The following GLRA2 variants were observed in gnomAD, a reference collection of about 807,000 sequenced individuals.
GLRA2 encodes glycine receptor subunit alpha-2.
GLRA2 carries 11 observed loss-of-function variants against 31.6 expected under a neutral mutation model. The ratio of observed to expected loss-of-function variants is 0.35; its 90% CI spans 0.22 to 0.58. GLRA2 has a LOEUF of 0.58. Among genes scored for constraint, GLRA2 ranks in the 20% least tolerant of loss-of-function variants. The pLI, the probability that GLRA2 is intolerant of heterozygous loss-of-function variation, is 0.84. For missense variants in GLRA2, 212 were observed against 351.8 expected (o/e 0.60, Z 3.18); for synonymous variants, 132 against 134.0 (o/e 0.99, Z 0.10).
the GLRA2 span, among the ~76,000 whole-genome samples, chrX:14,518,475 C>T: frequency 9.0e-6 from 1 of 111,248 alleles, no homozygotes; most frequent in African/African-American, 3.3e-5. Flanking sequence ...GATCCAAAGC[C>T]CATCAGCAGT....
At chrX:14,487,151 G>A in the GLRA2 span, among the ~76,000 whole-genome samples, 2 of 109,706 alleles carry the variant, frequency 1.8e-5, no homozygotes, top group African/African-American at 3.3e-5. Flanking sequence ...CTAGAACTGC[G>A]TTGTCTAATA....
chrX:14,675,444 C>A (rs369020159), intron 7 of GLRA2, among the ~76,000 whole-genome samples: 3 of 112,075 alleles, frequency 2.7e-5, no homozygotes, highest in East Asian at 2.8e-4. Context: ...CAATGCCCAA[C>A]AAACTAATTG....
At position 14,683,359 on chromosome X, in the gene GLRA2, G is replaced by C. The variant is rs78190859; in HGVS notation, c.931-7351G>C. 8.9e-3 allele frequency among the ~76,000 whole-genome samples: 999 copies of C among 112,110 alleles called. 32 individuals are homozygous for C. Among genetic ancestry groups the C allele is most frequent in the Admixed American group, 0.079 (841 of 10,583 alleles). ...CTGCATAAATGTCTTCTTTTGAGAA[G>C]TGTCTGTTCATGTCCTTTGCCCATT... On this transcript the variant is annotated intron_variant, in intron 7 of 8. Transcript: ENST00000218075.
At chrX:14,653,340 A>G (rs897516704) in intron 7 of GLRA2, among the ~76,000 whole-genome samples, 3 of 112,358 alleles carry the variant, frequency 2.7e-5, no homozygotes, top group Admixed American at 1.9e-4. Flanking sequence ...TCTAGATGCC[A>G]TTAAGAACAT....
At chrX:14,601,315 G>C (rs941646689) in intron 4 of GLRA2, among the ~76,000 whole-genome samples, 1 of 111,463 alleles carries the variant, frequency 9.0e-6, no homozygotes, top group Non-Finnish European at 1.9e-5. Flanking sequence ...ATTTAGCAAT[G>C]AATGTGAAAT....
At chrX:14,509,194 A>T in the GLRA2 span, among the ~76,000 whole-genome samples, 1 of 112,350 alleles carries the variant, frequency 8.9e-6, no homozygotes, top group East Asian at 2.8e-4. Flanking sequence ...TTAGGGATAC[A>T]AAAGTAGAGA....
At chrX:14,682,911 T>C (rs2091230782) in intron 7 of GLRA2, among the ~76,000 whole-genome samples, 1 of 111,598 alleles carries the variant, frequency 9.0e-6, no homozygotes, top group Admixed American at 9.5e-5. Context: ...TAGTATTCCA[T>C]GGTGTATATA....
intron 7 of GLRA2, among the ~76,000 whole-genome samples, chrX:14,618,345 C>T (rs1319523183): frequency 9.0e-6 from 1 of 111,505 alleles, no homozygotes; most frequent in Non-Finnish European, 1.9e-5. Context: ...TATCCTTATA[C>T]TAAATATGCT....
chrX:14,616,582 C>T (rs752827346), intron 7 of GLRA2, among the ~76,000 whole-genome samples: 5 of 111,789 alleles, frequency 4.5e-5, no homozygotes, highest in African/African-American at 1.6e-4. Context: ...TTTATTCCCC[C>T]TACCAGAATG....
intron 7 of GLRA2, among the ~76,000 whole-genome samples, chrX:14,683,204 C>T (rs960527409): frequency 9.8e-5 from 11 of 111,824 alleles, no homozygotes; most frequent in Non-Finnish European, 2.1e-4. Context: ...ACATCCTCTC[C>T]AGCACCTGTT....
Position 14,731,075 on chromosome X carries a change from G to A in GLRA2, c.*590G>A, listed in dbSNP as rs114347818. The A allele has an allele frequency of 8.9e-6, 1 of 111,960 alleles. No homozygotes were observed. The highest frequency in any genetic ancestry group is 3.3e-5 in the African/African-American group (1 of 30,499). 9.2% of individuals were successfully genotyped at this position (111,960 alleles called of 1,213,427 possible). On this transcript the variant is annotated 3_prime_UTR_variant, in exon 9 of 9. Coordinates refer to ENST00000218075, the MANE Select transcript of GLRA2 (RefSeq NM_002063.4). ...CCTCCTAAGCTATGTTCTTTACAAT[G>A]TCTGTAATTAGTGTTTCACTTGAGA...
intron 4 of GLRA2, among the ~76,000 whole-genome samples, chrX:14,584,444 T>C (rs1337472008): frequency 1.8e-5 from 2 of 111,642 alleles, no homozygotes; most frequent in Non-Finnish European, 3.8e-5. Context: ...AAATAATTTT[T>C]CCAAGTCTGC....
intron 7 of GLRA2, among the ~76,000 whole-genome samples, chrX:14,625,834 A>G (rs2090582719): frequency 9.0e-6 from 1 of 111,526 alleles, no homozygotes; most frequent in Non-Finnish European, 1.9e-5. Context: ...TATGTTTACT[A>G]TGTGTCATTT....
the GLRA2 span, among the ~76,000 whole-genome samples, chrX:14,501,565 C>T: frequency 9.0e-6 from 1 of 111,401 alleles, no homozygotes; most frequent in Non-Finnish European, 1.9e-5. Context: ...GGCTCAAGAT[C>T]CAGCAACTTT....
At chrX:14,512,593 G>A in the GLRA2 span, among the ~76,000 whole-genome samples, 1 of 111,604 alleles carries the variant, frequency 9.0e-6, no homozygotes, top group African/African-American at 3.2e-5. Flanking sequence ...CAAAATTAAT[G>A]TACACAAATC....
At chrX:14,483,901 A>G in the GLRA2 span, among the ~76,000 whole-genome samples, 1 of 111,222 alleles carries the variant, frequency 9.0e-6, no homozygotes, top group South Asian at 3.8e-4. Flanking sequence ...ATAAGCAGGC[A>G]GAAAAATGTG....
intron 8 of GLRA2, among the ~76,000 whole-genome samples, chrX:14,717,013 G>A (rs1015775800): frequency 2.7e-5 from 3 of 110,578 alleles, no homozygotes; most frequent in South Asian, 3.8e-4. Flanking sequence ...ACTCTATTTC[G>A]TTATTTATGC....
At chrX:14,574,087 G>C (rs771188260) in intron 2 of GLRA2, among the ~76,000 whole-genome samples, 1 of 111,985 alleles carries the variant, frequency 8.9e-6, no homozygotes, top group South Asian at 3.8e-4. Flanking sequence ...AGTGAATCCA[G>C]TTCAATAGTT....
the GLRA2 span, among the ~76,000 whole-genome samples, chrX:14,516,387 C>T: frequency 8.9e-6 from 1 of 111,930 alleles, no homozygotes; most frequent in South Asian, 3.7e-4. Context: ...TAAAAACATA[C>T]ATTTTATCCA....
Sources: gnomAD v4.1 joint callset for allele counts (sites outside exome capture counted in the v4.1 genomes callset) on GRCh38, gnomAD v4.1.1 for gene constraint, MANE v1.5 for transcripts, NCBI Gene and HGNC (gene_info 2026-07-23, HGNC 2026-07-21) for gene names.